Variants in ENTPD2 observed in about 807,000 individuals in gnomAD.
ENTPD2 encodes the protein ectonucleoside triphosphate diphosphohydrolase 2, also known as CD39 antigen-like 1.
A neutral mutation model predicts 46.8 loss-of-function variants in ENTPD2; 48 were observed. That is an observed-to-expected ratio of 1.03 (90% CI 0.81 to 1.30). The LOEUF is 1.30. Among genes scored for constraint, ENTPD2 ranks in the 50% most tolerant of loss-of-function variants. The pLI is 0.00. For synonymous variants in ENTPD2, 316 were observed against 286.1 expected, an observed-to-expected ratio of 1.10 and a Z score of -1.06; for missense variants, 707 against 651.1, an observed-to-expected ratio of 1.09 and a Z score of -0.93.
Position 137,051,103 on chromosome 9 carries a change from C to A in ENTPD2, c.573G>T (p.Arg191=). The stretch of plus-strand genomic sequence containing the variant: ...TGGCCCCCAGTGTCCCCTTCCGTGG[C>A]CGGAACCACCGGCCCACCCAGCCGT... The part of the protein sequence containing the change: ...IKYGWVGRWF[R]PRKGTLGAMD... The change falls in exon 5 of 9, where the codon CGG becomes CGT. Residue 191 remains arginine, a synonymous_variant. Transcript: ENST00000355097. 6.2e-7 allele frequency: 1 copy of A among 1,612,780 alleles called. No homozygotes were observed. Among genetic ancestry groups the A allele is most frequent in the Non-Finnish European group, 8.5e-7 (1 of 1,179,982 alleles).
In ENTPD2 at chr9:137,049,038, G is replaced by C; in HGVS notation, c.1187C>G (p.Ala396Gly). 3 of 1,535,228 alleles carry C rather than the reference G, an allele frequency of 2.0e-6. No individual in the cohort carries two copies. The highest frequency in any genetic ancestry group is 1.7e-6 in the Non-Finnish European group (2 of 1,145,112). Reference protein sequence around the residue: ...ARVPGQRARLADYCAGAMFVQ... With the variant: ...ARVPGQRARLGDYCAGAMFVQ... ...GAACATGGCCCCGGCGCAGTAGTCG[G>C]CCAGGCGGGCCCGTTGCCCTGGCAC... Residue 396 changes from alanine to glycine, a missense_variant, in exon 8 of 9, where the codon GCC (alanine) becomes GGC (glycine). Coordinates refer to ENST00000355097, the MANE Select transcript of ENTPD2 (RefSeq NM_203468.3).
intron 2 of ENTPD2, 29 bp downstream of exon 2, chr9:137,052,202 C>A (rs367730962): frequency 3.1e-6 from 5 of 1,597,256 alleles, no homozygotes; most frequent in Non-Finnish European, 4.3e-6. Context: ...AGTGAGTGGG[C>A]GTCCTGGCTG....
In ENTPD2 at chr9:137,050,913, TG is replaced by T; in HGVS notation, c.762del (p.Ser255AlafsTer120). ...GGGTGGAGGGGCACCTGGAGGGCGC[TG>T]GCCAGCAGCCTCTGGAGGACCTGGT... ...GRDQVLQRLL[A>X]SALQTHGFHP... On this transcript the variant is annotated frameshift_variant, in exon 5 of 9. Transcript: ENST00000355097. LOFTEE classifies it high-confidence loss of function. The T allele has an allele frequency of 1.9e-6, 3 of 1,611,306 alleles. No homozygotes were observed. Among genetic ancestry groups the T allele is most frequent in the Non-Finnish European group, 2.5e-6 (3 of 1,179,960 alleles).
At chr9:137,049,503 G>A in intron 7 of ENTPD2, 1 of 440,882 alleles carries the variant, frequency 2.3e-6, no homozygotes, top group Non-Finnish European at 4.1e-6. Context: ...CCGGTCCTGG[G>A]ACGACTCGTA....
In ENTPD2 at chr9:137,049,069, C is replaced by A; in HGVS notation, c.1156G>T (p.Ala386Ser). Residue 386 changes from alanine (A) to serine (S), a missense_variant, in exon 8 of 9, where the codon GCT becomes TCT. Ala to Ser is a moderately conservative substitution (Grantham distance 99). Coordinates refer to ENST00000355097, the MANE Select transcript of ENTPD2 (RefSeq NM_203468.3). ...VCNQTWAQLQ[A>S]RVPGQRARLA... is the part of the protein sequence containing the mutation. ...CGGGCCCGTTGCCCTGGCACCCGAG[C>A]TTGCAGCTGGGACGCGGGCGGGACA... The A allele has an allele frequency of 6.5e-7, 1 of 1,532,926 alleles. No homozygotes were observed. Among genetic ancestry groups the A allele is most frequent in the Non-Finnish European group, 8.7e-7 (1 of 1,144,518 alleles). The allele number at this position is 1,532,926 out of a possible 1,614,324, so 95.0% of individuals were successfully genotyped here.
chr9:137,048,389 T>G lies in ENTPD2; in HGVS notation c.*268A>C, dbSNP rs909622276. 6 of 434,310 alleles carry G rather than the reference T, an allele frequency of 1.4e-5. No individual in the cohort carries two copies. The highest frequency in any genetic ancestry group is 6.0e-4 in the Middle Eastern group (1 of 1,662). The allele number at this position is 434,310 out of a possible 1,614,324, so 26.9% of individuals were successfully genotyped here. A position where few individuals can be genotyped will look rare whatever the true frequency, so the allele number is the denominator to read the frequency against. ...CCAGGCTCCTGTGGGTACCAGAGTC[T>G]CAGTTCCTATTTCCTGGGCTGCCTT... On this transcript the variant is annotated 3_prime_UTR_variant, in exon 9 of 9. Coordinates refer to ENST00000355097, the MANE Select transcript of ENTPD2 (RefSeq NM_203468.3).
chr9:137,050,617 A>C, intron 5 of ENTPD2, 79 bp from the exon 6 acceptor site: 52 of 1,529,982 alleles, frequency 3.4e-5, no homozygotes, highest in Non-Finnish European at 3.9e-5. Context: ...CACAGGTCTC[A>C]CTCTGGCAAC....
rs970192459 is a variant in ENTPD2 at position 137,053,575 on chromosome 9, G to C, written c.117+306C>G. Among the ~76,000 whole-genome samples the C allele has an allele frequency of 4.6e-5, 7 of 152,352 alleles. No homozygotes were observed. In the East Asian group the frequency reaches 1.4e-3, roughly 29 times the overall value. On this transcript the variant is annotated intron_variant, in intron 1 of 8. Transcript: ENST00000355097. Reference sequence around the variant, plus strand: ...CCGGCAGCACCCAGGGGGCATCGCTGGGCTATCCCGGGAGCGGGGACACAG... The same window carrying C: ...CCGGCAGCACCCAGGGGGCATCGCTCGGCTATCCCGGGAGCGGGGACACAG...
At position 137,051,545 on chromosome 9, in the gene ENTPD2, GA is replaced by G; in HGVS notation, c.350del (p.Leu117ProfsTer14). The G allele has an allele frequency of 1.9e-6, 3 of 1,611,228 alleles. No individual in the cohort carries two copies. The highest frequency in any genetic ancestry group is 2.5e-6 in the Non-Finnish European group (3 of 1,179,076). Reference sequence around the variant, plus strand: ...GCATACCCGCTGTGGCTCCCAGGTAGAGGGGTGTGCCCGCGTGTCTCTCTTT... The same window carrying G: ...GCATACCCGCTGTGGCTCCCAGGTAGGGGGTGTGCCCGCGTGTCTCTCTTT... ...VPKERHAGTP[L>X]YLGATAGMRL... On this transcript the variant is annotated frameshift_variant, in exon 3 of 9. Coordinates refer to ENST00000355097, the MANE Select transcript of ENTPD2 (RefSeq NM_203468.3). LOFTEE classifies it high-confidence loss of function.
In ENTPD2 at chr9:137,048,571, AGGT is replaced by A; in HGVS notation, c.*83_*85del. 9.9e-7 allele frequency: 1 copy of A among 1,012,532 alleles called. No individual in the cohort carries two copies. The highest frequency in any genetic ancestry group is 1.3e-6 in the Non-Finnish European group (1 of 761,054). 62.7% of individuals were successfully genotyped at this position (1,012,532 alleles called of 1,614,324 possible). On this transcript the variant is annotated 3_prime_UTR_variant, in exon 9 of 9. Coordinates refer to ENST00000355097, the MANE Select transcript of ENTPD2 (RefSeq NM_203468.3). The stretch of plus-strand genomic sequence containing the variant: ...GGAGGGGTGGGGATACAGGGGTGGG[AGGT>A]ACAGGGGTTGTGGGAGGGGTGGGAG...
intron 1 of ENTPD2, chr9:137,052,580 A>G (rs982551305): frequency 1.4e-4 from 61 of 427,218 alleles, no homozygotes; most frequent in Non-Finnish European, 1.4e-4. Context: ...ACCTGAAGCC[A>G]GCATGCCAGG....
Position 137,048,944 on chromosome 9 carries a change from C to T in ENTPD2, c.1281G>A (p.Lys427=), listed in dbSNP as rs764416173. 2 of 1,461,484 alleles carry T rather than the reference C, an allele frequency of 1.4e-6. No individual in the cohort carries two copies. Among genetic ancestry groups the T allele is most frequent in the Non-Finnish European group, 1.8e-6 (2 of 1,082,260 alleles). The allele number at this position is 1,461,484 out of a possible 1,614,324, so 90.5% of individuals were successfully genotyped here. The change falls in exon 8 of 9, where the codon AAG becomes AAA. Residue 427 remains lysine, a synonymous_variant. Coordinates refer to ENST00000355097, the MANE Select transcript of ENTPD2 (RefSeq NM_203468.3). The stretch of plus-strand genomic sequence containing the variant: ...GCCCCGCCCCGCCCCAGCCCACCTT[C>T]TTCTGGAAGATCACGCCGCCGAAGG... ...ERAFGGVIFQ[K]KAADTAVGWA...
chr9:137,050,513 G>C lies in ENTPD2; in HGVS notation c.800C>G (p.Pro267Arg), dbSNP rs370555871. The change falls in exon 6 of 9, where the codon CCG (proline) becomes CGG (arginine). Residue 267 changes from proline to arginine, a missense_variant. By Grantham distance (103) the Pro-to-Arg change is moderately radical (BLOSUM62 -2). Transcript: ENST00000355097. ...CAGCACTTGGGTGGAAAAGCCCCTC[G>C]GCCAGCAGGGGTGGAAGCCGTGGGT... ...LQTHGFHPCWPRGFSTQVLLG... is the reference protein window; with the variant it reads ...LQTHGFHPCWRRGFSTQVLLG... 2 of 1,612,538 alleles carry C rather than the reference G, an allele frequency of 1.2e-6. No individual in the cohort carries two copies. Among genetic ancestry groups the C allele is most frequent in the Non-Finnish European group, 1.7e-6 (2 of 1,179,918 alleles).
At chr9:137,053,682 C>G (rs1471968761) in intron 1 of ENTPD2, among the ~76,000 whole-genome samples, 199 bp downstream of exon 1, 2 of 152,120 alleles carry the variant, frequency 1.3e-5, no homozygotes, top group Admixed American at 6.5e-5. Flanking sequence ...GCCCTGGAAG[C>G]GCCACCGCCC....
At position 137,048,483 on chromosome 9, in the gene ENTPD2, T is replaced by C. The variant is rs1832182088; in HGVS notation, c.*174A>G. On this transcript the variant is annotated 3_prime_UTR_variant, in exon 9 of 9. Coordinates refer to ENST00000355097, the MANE Select transcript of ENTPD2 (RefSeq NM_203468.3). ...AGTGGTGGGGTGGAGCGGTGGGGGA[T>C]AGAGGGTGGGTGGAGGAATGCAGGA... The C allele has an allele frequency of 3.0e-5, 14 of 460,536 alleles. No individual in the cohort carries two copies. The highest frequency in any genetic ancestry group is 5.9e-4 in the Middle Eastern group (1 of 1,692). The allele number at this position is 460,536 out of a possible 1,614,324, so 28.5% of individuals were successfully genotyped here.
intron 7 of ENTPD2, 72 bp downstream of exon 7, chr9:137,049,798 G>T: frequency 6.5e-7 from 1 of 1,530,032 alleles, no homozygotes; most frequent in South Asian, 1.2e-5. Flanking sequence ...GTCCATGCAG[G>T]GCTGGGGAGG....
At chr9:137,052,444 T>TC (rs199591098) in intron 1 of ENTPD2, 96 bp from the exon 2 acceptor site, 157,759 of 802,906 alleles carry the variant, frequency 0.2, 11,392 homozygotes, top group East Asian at 0.29. Context: ...TTGCCACCGC[T>TC]CCCCCCCCCA....
rs956231651 is a variant in ENTPD2, at chr9:137,050,347, G to A, written c.966C>T (p.Ser322=). ...TGAAAGAGCATCGGGAGAAGGGGCA[G>A]GAGGAGAAGCTGAAGAGCCCAGAAA... ...DLVSGLFSFS[S]CPFSRCSFNG... The change falls in exon 6 of 9, where the codon TCC becomes TCT. Residue 322 remains serine, a synonymous_variant. Transcript: ENST00000355097. 1.2e-6 allele frequency: 2 copies of A among 1,612,828 alleles called. No individual in the cohort carries two copies. Among genetic ancestry groups the A allele is most frequent in the African/African-American group, 1.3e-5 (1 of 74,852 alleles).
chr9:137,050,864 G>A (rs1211638279), intron 5 of ENTPD2, 38 bp downstream of exon 5: 7 of 1,595,964 alleles, frequency 4.4e-6, no homozygotes, highest in Non-Finnish European at 5.1e-6. Context: ...CTCCAGGAGG[G>A]AACAGTGCAG....
Sources: allele counts gnomAD v4.1 joint callset (sites outside exome capture counted in the v4.1 genomes callset), GRCh38; gene constraint gnomAD v4.1.1; transcripts MANE v1.5; gene names NCBI Gene and HGNC (gene_info 2026-07-23, HGNC 2026-07-21).